The following GRIN2B variants were observed in gnomAD, a reference collection of about 807,000 sequenced individuals.
GRIN2B encodes the protein glutamate receptor ionotropic, NMDA 2B.
Under a neutral mutation model 114.5 loss-of-function variants are expected in GRIN2B, and 5 were observed. The ratio of observed to expected loss-of-function variants is 0.04; its 90% CI spans 0.02 to 0.09. The LOEUF (loss-of-function observed/expected upper bound fraction) is 0.09, where lower values mean the gene tolerates loss of function less well. Among genes scored for constraint, GRIN2B ranks in the 10% least tolerant of loss-of-function variants. The pLI, the probability that GRIN2B is intolerant of heterozygous loss-of-function variation, is 1.00. For missense variants in GRIN2B, 1,108 were observed against 1,943.5 expected (o/e 0.57, Z 8.08); for synonymous variants, 787 against 745.1 (o/e 1.06, Z -0.92).
chr12:13,685,853 G>A (rs1950171120), intron 4 of GRIN2B, among the ~76,000 whole-genome samples: 1 of 152,162 alleles, frequency 6.6e-6, no homozygotes, highest in African/African-American at 2.4e-5. Context: ...GCAATAAGGA[G>A]TTTGTTAACG....
chr12:13,679,765 C>T (rs2136544734), intron 4 of GRIN2B, among the ~76,000 whole-genome samples: 1 of 152,226 alleles, frequency 6.6e-6, no homozygotes, highest in South Asian at 2.1e-4. Context: ...CCCATCCATT[C>T]ACTGGTAATG....
At chr12:13,799,270 T>A (rs966353039) in intron 3 of GRIN2B, among the ~76,000 whole-genome samples, 11 of 152,198 alleles carry the variant, frequency 7.2e-5, no homozygotes, top group Non-Finnish European at 1.3e-4. Flanking sequence ...TAAATAGGAC[T>A]AAACACATTC....
chr12:13,902,532 C>T (rs994052871), intron 2 of GRIN2B, among the ~76,000 whole-genome samples: 6 of 152,080 alleles, frequency 3.9e-5, no homozygotes, highest in East Asian at 3.9e-4. Flanking sequence ...ACTTTTTCGC[C>T]GGGCATGGTG....
chr12:13,697,574 C>G (rs1461840864), intron 4 of GRIN2B, among the ~76,000 whole-genome samples: 2 of 152,130 alleles, frequency 1.3e-5, no homozygotes, highest in African/African-American at 2.4e-5. Context: ...CTGGAAGGAG[C>G]CTCAGCAAAG....
chr12:13,924,020 T>G (rs1866871279), intron 2 of GRIN2B, among the ~76,000 whole-genome samples: 1 of 152,192 alleles, frequency 6.6e-6, no homozygotes, highest in African/African-American at 2.4e-5. Context: ...TTGGAGAGAA[T>G]GAAGATTCAT....
rs1241388934 is a variant in GRIN2B at position 13,540,880 on chromosome 12, G to A, written c.*21903C>T. The A allele has an allele frequency of 1.3e-5, 2 of 152,348 alleles. No homozygotes were observed. Among genetic ancestry groups the A allele is most frequent in the Admixed American group, 6.5e-5 (1 of 15,298 alleles). The allele number at this position is 152,348 out of a possible 1,614,324, so 9.4% of individuals were successfully genotyped here. On this transcript the variant is annotated 3_prime_UTR_variant, in exon 14 of 14. Coordinates refer to ENST00000609686, the MANE Select transcript of GRIN2B (RefSeq NM_000834.5). ...GCCTGAGTCGTCGGTGCTCCCTGGAGAGGACATCACACAGGAAAGCTATGA... is the reference window on the plus strand; with the variant it reads ...GCCTGAGTCGTCGGTGCTCCCTGGAAAGGACATCACACAGGAAAGCTATGA...
At chr12:13,619,399 A>T (rs1949489208) in intron 5 of GRIN2B, among the ~76,000 whole-genome samples, 1 of 152,254 alleles carries the variant, frequency 6.6e-6, no homozygotes, top group African/African-American at 2.4e-5. Context: ...GGTACGAATG[A>T]TCCTACCTTG....
chr12:13,810,219 AT>A (rs35175755), intron 3 of GRIN2B, among the ~76,000 whole-genome samples: 340 of 137,306 alleles, frequency 2.5e-3, no homozygotes, highest in African/African-American at 4.9e-3. Context: ...GTCTCAAATC[AT>A]TTTTTTTTTT....
At chr12:13,784,632 T>C (rs1429619779) in intron 3 of GRIN2B, among the ~76,000 whole-genome samples, 1 of 152,132 alleles carries the variant, frequency 6.6e-6, no homozygotes, top group East Asian at 1.9e-4. Flanking sequence ...GAAGTGTCAC[T>C]GTGCTAGTTC....
At chr12:13,681,048 A>G (rs937977951) in intron 4 of GRIN2B, among the ~76,000 whole-genome samples, 5 of 152,072 alleles carry the variant, frequency 3.3e-5, no homozygotes, top group African/African-American at 1.2e-4. Flanking sequence ...CTCCAAGCTC[A>G]TCTACTGCAC....
intron 3 of GRIN2B, among the ~76,000 whole-genome samples, chr12:13,754,577 TA>T: frequency 1.1e-5 from 1 of 95,218 alleles, no homozygotes; most frequent in East Asian, 3.5e-4. Flanking sequence ...CTATGTGTTC[TA>T]TAAACATATA....
intron 3 of GRIN2B, among the ~76,000 whole-genome samples, chr12:13,778,631 A>T (rs1864049547): frequency 6.6e-6 from 1 of 152,198 alleles, no homozygotes; most frequent in Non-Finnish European, 1.5e-5. Context: ...GCACAACCAC[A>T]TGAGTGCTTA....
At chr12:13,800,008 T>C (rs919990361) in intron 3 of GRIN2B, among the ~76,000 whole-genome samples, 2 of 152,146 alleles carry the variant, frequency 1.3e-5, no homozygotes, top group African/African-American at 4.8e-5. Context: ...TCTTCAGTGT[T>C]GATGAAAGAT....
chr12:13,771,709 G>A (rs1417164456), intron 3 of GRIN2B, among the ~76,000 whole-genome samples: 1 of 152,256 alleles, frequency 6.6e-6, no homozygotes, highest in African/African-American at 2.4e-5. Flanking sequence ...GGTTCATTAA[G>A]TGTGAATCTA....
chr12:13,961,270 C>T (rs1867686991), intron 2 of GRIN2B, among the ~76,000 whole-genome samples: 1 of 152,012 alleles, frequency 6.6e-6, no homozygotes, highest in Non-Finnish European at 1.5e-5. Context: ...TAGAGAATTC[C>T]ACACTGAGAG....
At chr12:13,701,497 T>A (rs1179568162) in intron 4 of GRIN2B, among the ~76,000 whole-genome samples, 1 of 132,998 alleles carries the variant, frequency 7.5e-6, no homozygotes, top group African/African-American at 2.9e-5. Flanking sequence ...TGTGAAGCAC[T>A]AGGGATTCAG....
At chr12:13,855,051 A>G (rs895542043) in intron 3 of GRIN2B, among the ~76,000 whole-genome samples, 1 of 96,272 alleles carries the variant, frequency 1.0e-5, no homozygotes, top group African/African-American at 3.7e-5. Flanking sequence ...TCTCTACTGA[A>G]AAAAAAAAAA....
chr12:13,797,237 A>T (rs2136670991), intron 3 of GRIN2B, among the ~76,000 whole-genome samples: 1 of 152,194 alleles, frequency 6.6e-6, no homozygotes, highest in African/African-American at 2.4e-5. Flanking sequence ...AAGGGGCAAA[A>T]GTTCTCTCTT....
At chr12:13,787,773 G>A (rs944850120) in intron 3 of GRIN2B, among the ~76,000 whole-genome samples, 1 of 152,128 alleles carries the variant, frequency 6.6e-6, no homozygotes, top group Non-Finnish European at 1.5e-5. Context: ...TAAGAATAAA[G>A]ATCCCAACTT....
Sources: gnomAD v4.1 joint callset for allele counts (sites outside exome capture counted in the v4.1 genomes callset) on GRCh38, gnomAD v4.1.1 for gene constraint, MANE v1.5 for transcripts, NCBI Gene and HGNC (gene_info 2026-07-23, HGNC 2026-07-21) for gene names.